PGLYRP3: variants seen among roughly 807,000 people sequenced by gnomAD.
PGLYRP3 encodes the protein peptidoglycan recognition protein 3.
In PGLYRP3, 39 loss-of-function variants were observed where a neutral mutation model predicts 36.0. The observed-to-expected ratio is 1.08, with a 90% CI of 0.84 to 1.41. PGLYRP3 has a LOEUF of 1.41. PGLYRP3 is among the 40% of genes most tolerant of loss of function. The pLI is 0.00. For missense variants in PGLYRP3, 407 were observed against 427.9 expected, an observed-to-expected ratio of 0.95 and a Z score of 0.43; for synonymous variants, 204 against 172.8, an observed-to-expected ratio of 1.18 and a Z score of -1.42.
chr1:153,297,573 GAAAGAAAGAAGA>G lies in PGLYRP3; in HGVS notation c.*371_*382del, dbSNP rs1177840346. Among the ~76,000 whole-genome samples, 47 of 100,696 alleles carry G rather than the reference GAAAGAAAGAAGA, an allele frequency of 4.7e-4. 2 individuals carry two copies. Among genetic ancestry groups the G allele is most frequent in the Non-Finnish European group, 7.0e-4 (32 of 45,426 alleles). 66.1% of individuals were successfully genotyped at this position (100,696 alleles called of 152,430 possible). On this transcript the variant is annotated 3_prime_UTR_variant, in exon 8 of 8. Transcript: ENST00000683862. ...AAGGAAAGAAAGAAAAAGAAAGAAAGAAAGAAAGAAGAAAGAAAGAAAGAAAGAAAGAGAAAG... is the reference window on the plus strand; with the variant it reads ...AAGGAAAGAAAGAAAAAGAAAGAAAGAAGAAAGAAAGAAAGAAAGAGAAAG...
At chr1:153,305,947 G>A (rs552425668) in intron 3 of PGLYRP3, among the ~76,000 whole-genome samples, 2 of 152,354 alleles carry the variant, frequency 1.3e-5, no homozygotes, top group South Asian at 4.1e-4. Context: ...AAAAACTGGA[G>A]ATTGTCAAGT....
chr1:153,298,164 T>C (rs748995447), intron 7 of PGLYRP3, 30 bp from the exon 8 acceptor site: 51 of 1,606,726 alleles, frequency 3.2e-5, no homozygotes, highest in Non-Finnish European at 4.0e-5. Flanking sequence ...CATCAGTCAT[T>C]AGGGGCTCAA....
chr1:153,309,474 G>GCCAA (rs1659843881), intron 2 of PGLYRP3, among the ~76,000 whole-genome samples: 1 of 152,176 alleles, frequency 6.6e-6, no homozygotes, highest in African/African-American at 2.4e-5. Flanking sequence ...GATGAACTTG[G>GCCAA]GTTAGTCACT....
At chr1:153,311,735 G>C (rs1203588775) in intron 1 of PGLYRP3, among the ~76,000 whole-genome samples, 1 of 152,200 alleles carries the variant, frequency 6.6e-6, no homozygotes, top group Non-Finnish European at 1.5e-5. Flanking sequence ...AAATGGGATA[G>C]ATCATTGCCC....
intron 7 of PGLYRP3, among the ~76,000 whole-genome samples, chr1:153,298,606 G>A (rs1409434372): frequency 1.3e-5 from 2 of 152,132 alleles, no homozygotes; most frequent in Non-Finnish European, 2.9e-5. Flanking sequence ...TCACGCCGCT[G>A]CACTCCAGAC....
chr1:153,311,780 A>G (rs919792550), intron 1 of PGLYRP3, among the ~76,000 whole-genome samples: 2 of 152,202 alleles, frequency 1.3e-5, no homozygotes, highest in African/African-American at 4.8e-5. Context: ...GCAGTCCCCA[A>G]ATGGAAAATT....
intron 1 of PGLYRP3, among the ~76,000 whole-genome samples, chr1:153,310,920 C>T (rs879457591): frequency 6.6e-6 from 1 of 152,160 alleles, no homozygotes; most frequent in Non-Finnish European, 1.5e-5. Flanking sequence ...TCCCCACCCA[C>T]CTCCTGTTGC....
Position 153,298,072 on chromosome 1 carries a change from C to T in PGLYRP3, c.910G>A (p.Glu304Lys). ...AGGTAGTTTGGAGTCAGGTACCCCTCAACCACGGCACACTGGATCAGGTCC... is the reference window on the plus strand; with the variant it reads ...AGGTAGTTTGGAGTCAGGTACCCCTTAACCACGGCACACTGGATCAGGTCC... ...AQDLIQCAVV[E>K]GYLTPNYLLM... Residue 304 changes from glutamate (E) to lysine (K), a missense_variant, in exon 8 of 8, where the codon GAG becomes AAG. Transcript: ENST00000683862. The T allele has an allele frequency of 6.2e-7, 1 of 1,614,086 alleles. No individual in the cohort carries two copies. The highest frequency in any genetic ancestry group is 8.5e-7 in the Non-Finnish European group (1 of 1,180,016).
chr1:153,300,125 C>G (rs1336359055), intron 6 of PGLYRP3, among the ~76,000 whole-genome samples: 1 of 152,130 alleles, frequency 6.6e-6, no homozygotes, highest in Non-Finnish European at 1.5e-5. Flanking sequence ...TGATGTGGCC[C>G]CTCCCAGGCT....
rs1557805388 is a variant in PGLYRP3 at position 153,297,559 on chromosome 1, G to GAA, written c.*395_*396dup. Among the ~76,000 whole-genome samples, 8 of 72,666 alleles carry GAA rather than the reference G, an allele frequency of 1.1e-4. No individual in the cohort carries two copies. The highest frequency in any genetic ancestry group is 2.5e-4 in the Admixed American group (2 of 8,026). 47.7% of individuals were successfully genotyped at this position (72,666 alleles called of 152,430 possible). ...GGAAGGAAGGAAGGAAGGAAAGAAAGAAAAAGAAAGAAAGAAAGAAAGAAG... is the reference window on the plus strand; with the variant it reads ...GGAAGGAAGGAAGGAAGGAAAGAAAGAAAAAAAGAAAGAAAGAAAGAAAGAAG... On this transcript the variant is annotated 3_prime_UTR_variant, in exon 8 of 8. Coordinates refer to ENST00000683862, the MANE Select transcript of PGLYRP3 (RefSeq NM_052891.3).
chr1:153,312,260 A>G (rs1287242130), intron 1 of PGLYRP3, among the ~76,000 whole-genome samples: 1 of 152,212 alleles, frequency 6.6e-6, no homozygotes, highest in East Asian at 1.9e-4. Flanking sequence ...CTGGTAGGAT[A>G]AGCTAGAGCC....
chr1:153,307,303 C>A, intron 2 of PGLYRP3, 36 bp from the exon 3 acceptor site: 1 of 1,546,940 alleles, frequency 6.5e-7, no homozygotes, highest in Non-Finnish European at 8.8e-7. Context: ...CATAGCAGGC[C>A]CTGCCCATCT....
intron 2 of PGLYRP3, 48 bp from the exon 3 acceptor site, chr1:153,307,315 C>T: frequency 6.5e-7 from 1 of 1,527,140 alleles, no homozygotes; most frequent in Non-Finnish European, 8.9e-7. Context: ...TGCCCATCTT[C>T]CCCCAACAGG....
chr1:153,304,083 T>C, intron 4 of PGLYRP3, 74 bp from the exon 5 acceptor site: 1 of 1,397,944 alleles, frequency 7.2e-7, no homozygotes, highest in East Asian at 2.3e-5. Context: ...GCAGAAAGGA[T>C]GATATGACCA....
At chr1:153,303,118 A>C (rs1659641559) in intron 5 of PGLYRP3, among the ~76,000 whole-genome samples, 1 of 152,254 alleles carries the variant, frequency 6.6e-6, no homozygotes, top group Non-Finnish European at 1.5e-5. Flanking sequence ...CAGTTTTAAA[A>C]AGCTAATTCT....
In PGLYRP3 at chr1:153,307,283, C is replaced by T. The variant is rs1659767804; in HGVS notation, c.56-16G>A. On this transcript the variant is annotated splice_polypyrimidine_tract_variant and intron_variant, in intron 2 of 7. Coordinates refer to ENST00000683862, the MANE Select transcript of PGLYRP3 (RefSeq NM_052891.3). Reference sequence around the variant, plus strand: ...GTGGGAGTATCTGTAGGGAAGACCACAGAATGGCACATAGCAGGCCCTGCC... The same window carrying T: ...GTGGGAGTATCTGTAGGGAAGACCATAGAATGGCACATAGCAGGCCCTGCC... The T allele has an allele frequency of 3.2e-6, 5 of 1,576,004 alleles. No individual in the cohort carries two copies. The highest frequency in any genetic ancestry group is 4.3e-6 in the Non-Finnish European group (5 of 1,160,842).
rs1399247156 is a variant in PGLYRP3, at chr1:153,297,382, G to A, written c.*574C>T. Among the ~76,000 whole-genome samples, 1 of 150,312 alleles carries A rather than the reference G, an allele frequency of 6.7e-6. No individual in the cohort carries two copies. The highest frequency in any genetic ancestry group is 2.1e-4 in the South Asian group (1 of 4,680). On this transcript the variant is annotated 3_prime_UTR_variant, in exon 8 of 8. Coordinates refer to ENST00000683862, the MANE Select transcript of PGLYRP3 (RefSeq NM_052891.3). ...GGGCACACTGACCTAGGTCATGGGT[G>A]AGGGATGAAGGGTGGGGGCTTCCAG...
chr1:153,311,262 CATA>C (rs1659891163), intron 1 of PGLYRP3, among the ~76,000 whole-genome samples: 1 of 152,170 alleles, frequency 6.6e-6, no homozygotes, highest in Non-Finnish European at 1.5e-5. Flanking sequence ...TAGTGAGAAT[CATA>C]ATAACAGCTA....
chr1:153,304,679 C>T (rs117306769), intron 4 of PGLYRP3, among the ~76,000 whole-genome samples: 1 of 152,350 alleles, frequency 6.6e-6, no homozygotes, highest in East Asian at 1.9e-4. Flanking sequence ...CAACCTCAGA[C>T]TTTAGAAGTG....
Sources: allele counts gnomAD v4.1 joint callset (sites outside exome capture counted in the v4.1 genomes callset), GRCh38; gene constraint gnomAD v4.1.1; transcripts MANE v1.5; gene names NCBI Gene and HGNC (gene_info 2026-07-23, HGNC 2026-07-21).